The following GBP3 variants were observed in gnomAD, a reference collection of about 807,000 sequenced individuals.
GBP3 encodes the protein guanylate-binding protein 3.
A neutral mutation model predicts 62.4 loss-of-function variants in GBP3; 55 were observed. The ratio of observed to expected loss-of-function variants is 0.88; its 90% confidence interval spans 0.71 to 1.10. The LOEUF (loss-of-function observed/expected upper bound fraction) is 1.10, where lower values mean the gene tolerates loss of function less well. GBP3 is among the 50% of genes least tolerant of loss of function. The pLI is 0.00. For synonymous variants in GBP3, 208 were observed against 259.2 expected, an observed-to-expected ratio of 0.80 and a Z score of 1.90; for missense variants, 605 against 690.6, an observed-to-expected ratio of 0.88 and a Z score of 1.39.
chr1:89,016,377 G>A (rs1380467183), intron 2 of GBP3, among the ~76,000 whole-genome samples: 1 of 151,984 alleles, frequency 6.6e-6, no homozygotes, highest in East Asian at 1.9e-4. Flanking sequence ...AAATTAGCTG[G>A]GTGTGGTGGC....
intron 2 of GBP3, among the ~76,000 whole-genome samples, chr1:89,018,115 C>T (rs1678986750): frequency 1.3e-5 from 2 of 152,124 alleles, no homozygotes; most frequent in African/African-American, 4.8e-5. Flanking sequence ...TAGGGAGACC[C>T]CGTGAAACTA....
intron 2 of GBP3, among the ~76,000 whole-genome samples, chr1:89,019,745 A>T (rs1260596274): frequency 6.6e-6 from 1 of 152,170 alleles, no homozygotes; most frequent in African/African-American, 2.4e-5. Context: ...GTGGCAGGAG[A>T]TGGGTGTAGG....
At chr1:89,018,384 G>T (rs1679001149) in intron 2 of GBP3, among the ~76,000 whole-genome samples, 1 of 152,178 alleles carries the variant, frequency 6.6e-6, no homozygotes, top group Non-Finnish European at 1.5e-5. Context: ...ACCTGTCCAT[G>T]TGGATAAGAT....
At chr1:89,009,740 A>C (rs1467890853) in intron 8 of GBP3, among the ~76,000 whole-genome samples, 6 of 152,136 alleles carry the variant, frequency 3.9e-5, no homozygotes, top group Non-Finnish European at 8.8e-5. Context: ...TGTCCTTTTC[A>C]AATTGAGGGC....
intron 7 of GBP3, among the ~76,000 whole-genome samples, 162 bp from the exon 8 acceptor site, chr1:89,011,278 C>T (rs569416068): frequency 7.2e-6 from 1 of 139,736 alleles, no homozygotes; most frequent in South Asian, 2.3e-4. Context: ...CCACTTTCTA[C>T]TGAAATCGCT....
Position 89,007,636 on chromosome 1 carries a change from A to G in GBP3, c.*88T>C. The G allele has an allele frequency of 8.1e-7, 1 of 1,239,734 alleles. No homozygotes were observed. Among genetic ancestry groups the G allele is most frequent in the Non-Finnish European group, 1.1e-6 (1 of 875,342 alleles). The allele number at this position is 1,239,734 out of a possible 1,614,324, so 76.8% of individuals were successfully genotyped here. A position where few individuals can be genotyped will look rare whatever the true frequency, so the allele number is the denominator to read the frequency against. On this transcript the variant is annotated 3_prime_UTR_variant, in exon 11 of 11. Coordinates refer to ENST00000370481, the MANE Select transcript of GBP3 (RefSeq NM_018284.3). Reference sequence around the variant, plus strand: ...TTTTAGTGTTATGATGCAAGATCTAATTATTATCAAATATAGTGACACTTG... The same window carrying G: ...TTTTAGTGTTATGATGCAAGATCTAGTTATTATCAAATATAGTGACACTTG...
chr1:89,008,603 T>C (rs1678369381), intron 10 of GBP3, among the ~76,000 whole-genome samples: 1 of 151,632 alleles, frequency 6.6e-6, no homozygotes, highest in South Asian at 2.1e-4. Flanking sequence ...TAATATTTTC[T>C]GAACCTCTGT....
Position 89,013,446 on chromosome 1 carries a change from GA to G in GBP3, c.626-20del, listed in dbSNP as rs1678702131. ...CTGGTACCTAGAGAAACATAATAAA[GA>G]AATTTGCCTAATATAAGTGTTTCCG... On this transcript the variant is annotated intron_variant, in intron 5 of 10. Coordinates refer to ENST00000370481, the MANE Select transcript of GBP3 (RefSeq NM_018284.3). The G allele has an allele frequency of 6.3e-7, 1 of 1,594,780 alleles. No homozygotes were observed. The highest frequency in any genetic ancestry group is 8.5e-7 in the Non-Finnish European group (1 of 1,172,882).
intron 1 of GBP3, among the ~76,000 whole-genome samples, chr1:89,021,544 A>ACCCACC (rs1553178202): frequency 7.1e-6 from 1 of 140,948 alleles, no homozygotes; most frequent in Non-Finnish European, 1.6e-5. Context: ...ACACACACAC[A>ACCCACC]CCCCAAAAAA....
At chr1:89,015,056 A>T (rs533075299) in intron 3 of GBP3, among the ~76,000 whole-genome samples, 31 of 152,240 alleles carry the variant, frequency 2.0e-4, no homozygotes, top group Admixed American at 7.2e-4. Flanking sequence ...CACATAGCTT[A>T]CAACCTATGG....
chr1:89,021,510 G>GCGCGCACACA (rs751639388), intron 1 of GBP3, among the ~76,000 whole-genome samples: 1,653 of 131,696 alleles, frequency 0.013, 23 homozygotes, highest in African/African-American at 0.038. Context: ...GCGCGCGCGC[G>GCGCGCACACA]CACACACACA....
chr1:89,009,512 A>G lies in GBP3; in HGVS notation c.1363-18T>C. Reference sequence around the variant, plus strand: ...TCTTCAGCCTTAGGACCCAGAGAACACAGAGTGAGAAGTAGGAAATGGCTG... The same window carrying G: ...TCTTCAGCCTTAGGACCCAGAGAACGCAGAGTGAGAAGTAGGAAATGGCTG... On this transcript the variant is annotated intron_variant, in intron 8 of 10. Transcript: ENST00000370481. 1 of 1,612,212 alleles carries G rather than the reference A, an allele frequency of 6.2e-7. No homozygotes were observed. Among genetic ancestry groups the G allele is most frequent in the Non-Finnish European group, 8.5e-7 (1 of 1,179,432 alleles).
intron 8 of GBP3, 66 bp downstream of exon 8, chr1:89,010,838 G>T: frequency 6.9e-7 from 1 of 1,457,716 alleles, no homozygotes; most frequent in African/African-American, 1.4e-5. Context: ...GTGAAGCTTG[G>T]TCACTTTGGT....
chr1:89,013,249 A>G lies in GBP3; in HGVS notation c.804T>C (p.Cys268=), dbSNP rs779488259. The change falls in exon 6 of 11, where the codon TGT becomes TGC. Residue 268 remains cysteine, a synonymous_variant. Transcript: ENST00000370481. ...TTTTGGAATTGCTAAAGATGTAGGA[A>G]CAGAAGTCTGCTACTTGTTGCACAA... is the stretch of plus-strand genomic sequence containing the variant. ...PEFVQQVADF[C]SYIFSNSKTK... is the part of the protein sequence containing the mutation. 12 of 1,614,056 alleles carry G rather than the reference A, an allele frequency of 7.4e-6. No homozygotes were observed. The highest frequency in any genetic ancestry group is 1.0e-5 in the Non-Finnish European group (12 of 1,180,026).
At chr1:89,014,524 T>C in intron 4 of GBP3, 23 bp downstream of exon 4, 1 of 1,614,126 alleles carries the variant, frequency 6.2e-7, no homozygotes, top group Non-Finnish European at 8.5e-7. Context: ...ACCTTGGTGC[T>C]GTTCTGGGTC....
intron 5 of GBP3, 58 bp from the exon 6 acceptor site, chr1:89,013,485 T>A (rs1193975315): frequency 6.5e-7 from 1 of 1,529,886 alleles, no homozygotes; most frequent in East Asian, 2.2e-5. Flanking sequence ...AAGCGTCAAA[T>A]AGTAAATATT....
At chr1:89,013,000 A>AT (rs869211846) in intron 6 of GBP3, among the ~76,000 whole-genome samples, 185 bp downstream of exon 6, 4 of 107,050 alleles carry the variant, frequency 3.7e-5, no homozygotes, top group Non-Finnish European at 7.7e-5. Flanking sequence ...ACCATGCCTC[A>AT]TTTATTTTTG....
At chr1:89,013,141 C>G (rs556893062) in intron 6 of GBP3, 44 bp downstream of exon 6, 23 of 1,593,210 alleles carry the variant, frequency 1.4e-5, no homozygotes, top group Non-Finnish European at 1.8e-5. Flanking sequence ...CCTGGCCATC[C>G]TTTAGTTTTA....
intron 10 of GBP3, chr1:89,008,717 T>A: frequency 2.9e-6 from 2 of 694,624 alleles, no homozygotes; most frequent in Admixed American, 6.0e-5. Flanking sequence ...CAGCCGTAAG[T>A]GGAAGGATAC....
Sources: allele counts gnomAD v4.1 joint callset (sites outside exome capture counted in the v4.1 genomes callset), GRCh38; gene constraint gnomAD v4.1.1; transcripts MANE v1.5; gene names NCBI Gene and HGNC (gene_info 2026-07-23, HGNC 2026-07-21).